COL4A6: variants seen among roughly 807,000 people sequenced by gnomAD.
The protein encoded by COL4A6 is collagen type IV alpha 6 chain, also known as collagen alpha-6(IV) chain.
Under a neutral mutation model 126.7 loss-of-function variants are expected in COL4A6, and 59 were observed. The ratio of observed to expected loss-of-function variants is 0.47; its 90% CI spans 0.38 to 0.58. The LOEUF (loss-of-function observed/expected upper bound fraction) is 0.58. Ranked by LOEUF, COL4A6 falls within the 20% of genes least tolerant of loss-of-function variation. The pLI, the probability that COL4A6 is intolerant of heterozygous loss-of-function variation, is 0.00. For synonymous variants in COL4A6, 547 were observed against 496.6 expected, an observed-to-expected ratio of 1.10 and a Z score of -1.35; for missense variants, 1,285 against 1,337.3, an observed-to-expected ratio of 0.96 and a Z score of 0.61.
chrX:108,278,440 G>GA (rs2037686456), intron 3 of COL4A6, among the ~76,000 whole-genome samples: 1 of 109,545 alleles, frequency 9.1e-6, no homozygotes, highest in Non-Finnish European at 1.9e-5. Context: ...GAAGTTTAGA[G>GA]AAAAAAGAAT....
chrX:108,320,521 G>T (rs944906588), intron 2 of COL4A6, among the ~76,000 whole-genome samples: 1 of 111,263 alleles, frequency 9.0e-6, no homozygotes, highest in Non-Finnish European at 1.9e-5. Context: ...CACAGGCGGT[G>T]GGCAAGGGGC....
chrX:108,368,017 GT>G lies in COL4A6; in HGVS notation c.64-57190del, dbSNP rs1045015846. Among the ~76,000 whole-genome samples, 49 of 100,159 alleles carry G rather than the reference GT, an allele frequency of 4.9e-4. 1 individual carries two copies. Among genetic ancestry groups the G allele is most frequent in the South Asian group, 3.4e-3 (8 of 2,331 alleles). The allele number at this position is 100,159 out of a possible 115,157, so 87.0% of individuals were successfully genotyped here. A position where few individuals can be genotyped will look rare whatever the true frequency, so the allele number is the denominator to read the frequency against. On this transcript the variant is annotated intron_variant, in intron 2 of 44. Transcript: ENST00000334504. The stretch of plus-strand genomic sequence containing the variant: ...TAAGGTCCATGAGAACAGAAACTTT[GT>G]TTTTTTTTTTCATTAGTATATTTTT...
At chrX:108,198,318 A>G (rs1191420135) in intron 13 of COL4A6, among the ~76,000 whole-genome samples, 3 of 111,371 alleles carry the variant, frequency 2.7e-5, no homozygotes, top group African/African-American at 9.8e-5. Context: ...GCCCCCATCT[A>G]TCTTGCCCTC....
intron 2 of COL4A6, among the ~76,000 whole-genome samples, chrX:108,384,724 AAG>A (rs2040644121): frequency 3.6e-5 from 4 of 112,086 alleles, no homozygotes; most frequent in Admixed American, 9.5e-5. Context: ...TTAGAGAATA[AAG>A]GAAACGTAAA....
intron 3 of COL4A6, among the ~76,000 whole-genome samples, chrX:108,236,191 C>T (rs1348887035): frequency 4.5e-5 from 5 of 111,678 alleles, no homozygotes; most frequent in African/African-American, 1.3e-4. Flanking sequence ...AGTACTTTCC[C>T]CTTCAGGGCT....
At chrX:108,282,497 A>G (rs779920004) in intron 3 of COL4A6, among the ~76,000 whole-genome samples, 4 of 111,361 alleles carry the variant, frequency 3.6e-5, no homozygotes, top group African/African-American at 9.8e-5. Flanking sequence ...TCAGGAAACA[A>G]CAGGTGCTGG....
chrX:108,409,867 C>A (rs759297105), intron 2 of COL4A6, among the ~76,000 whole-genome samples: 1 of 111,414 alleles, frequency 9.0e-6, no homozygotes, highest in East Asian at 2.8e-4. Context: ...GTAGTGAAAT[C>A]TTCTCCAACA....
Position 108,159,495 on chromosome X carries a change from C to T in COL4A6, c.4779G>A (p.Trp1593Ter). The change falls in exon 44 of 45, where the codon TGG becomes TGA. Residue 1593 changes from tryptophan to a stop codon, truncating the protein, a stop_gained. Transcript: ENST00000334504. LOFTEE classifies it high-confidence loss of function. The stretch of plus-strand genomic sequence containing the variant: ...AAGAGTACCCAATCCAGAGGCTGCG[C>T]CAGCCCAGGGGGCACTGCGGGATGG... Reference protein sequence around the residue: ...DITIPQCPLGWRSLWIGYSFL... With the variant: ...DITIPQCPLG The T allele has an allele frequency of 8.2e-7, 1 of 1,212,315 alleles. No homozygotes were observed. The highest frequency in any genetic ancestry group is 1.1e-6 in the Non-Finnish European group (1 of 895,627).
chrX:108,309,435 A>G (rs1268696317), intron 3 of COL4A6, among the ~76,000 whole-genome samples: 2 of 111,211 alleles, frequency 1.8e-5, no homozygotes, highest in African/African-American at 6.6e-5. Context: ...ACAATCAACA[A>G]ATAAGATGTG....
chrX:108,282,011 A>C (rs1438163087), intron 3 of COL4A6, among the ~76,000 whole-genome samples: 1 of 111,149 alleles, frequency 9.0e-6, no homozygotes, highest in Non-Finnish European at 1.9e-5. Context: ...TGGATTAAAG[A>C]CTGAAACGTT....
chrX:108,327,961 T>C (rs2039201434), intron 2 of COL4A6, among the ~76,000 whole-genome samples: 1 of 111,241 alleles, frequency 9.0e-6, no homozygotes, highest in African/African-American at 3.3e-5. Flanking sequence ...TGGAACTTCA[T>C]GAATCCATAA....
intron 2 of COL4A6, among the ~76,000 whole-genome samples, chrX:108,378,349 A>G (rs983521455): frequency 8.9e-6 from 1 of 111,947 alleles, no homozygotes; most frequent in Non-Finnish European, 1.9e-5. Flanking sequence ...GAATCTCAAT[A>G]TGAAGAAAGA....
chrX:108,312,303 A>G (rs1412425678), intron 2 of COL4A6, among the ~76,000 whole-genome samples: 1 of 112,056 alleles, frequency 8.9e-6, no homozygotes, highest in Non-Finnish European at 1.9e-5. Flanking sequence ...TATCATCACA[A>G]CACCTTGGTA....
chrX:108,226,298 C>A (rs187987501), intron 3 of COL4A6, among the ~76,000 whole-genome samples: 1 of 112,188 alleles, frequency 8.9e-6, no homozygotes, highest in Admixed American at 9.4e-5. Context: ...GGATTGGGCA[C>A]CAATGCTCCT....
At chrX:108,216,401 A>C (rs2035858116) in intron 5 of COL4A6, among the ~76,000 whole-genome samples, 1 of 111,909 alleles carries the variant, frequency 8.9e-6, no homozygotes, top group South Asian at 3.8e-4. Context: ...AATGGTGATG[A>C]CTAATACCTA....
At chrX:108,289,571 ACTT>A (rs1449559083) in intron 3 of COL4A6, among the ~76,000 whole-genome samples, 1 of 111,061 alleles carries the variant, frequency 9.0e-6, no homozygotes, top group Non-Finnish European at 1.9e-5. Context: ...TTAAAAAAAA[ACTT>A]CTCTAATTAT....
intron 2 of COL4A6, among the ~76,000 whole-genome samples, chrX:108,398,275 C>T (rs373322356): frequency 1.4e-4 from 16 of 111,909 alleles, no homozygotes; most frequent in African/African-American, 4.9e-4. Context: ...CAAATTCCCC[C>T]TCATTTTATG....
intron 2 of COL4A6, among the ~76,000 whole-genome samples, chrX:108,389,347 G>A (rs767128377): frequency 9.0e-6 from 1 of 111,650 alleles, no homozygotes; most frequent in South Asian, 3.8e-4. Flanking sequence ...TTGTGTGTGA[G>A]TCTAAGTCTC....
intron 3 of COL4A6, among the ~76,000 whole-genome samples, chrX:108,295,143 AGAG>A (rs1429772744): frequency 8.9e-6 from 1 of 112,185 alleles, no homozygotes; most frequent in Non-Finnish European, 1.9e-5. Context: ...ACATTAGTCA[AGAG>A]GAGGAGATGA....
Sources: gnomAD v4.1 joint callset for allele counts (sites outside exome capture counted in the v4.1 genomes callset) on GRCh38, gnomAD v4.1.1 for gene constraint, MANE v1.5 for transcripts, NCBI Gene and HGNC (gene_info 2026-07-23, HGNC 2026-07-21) for gene names.